Variants in PRKAR1B observed in about 807,000 individuals in gnomAD.
The protein encoded by PRKAR1B is cAMP-dependent protein kinase type I-beta regulatory subunit.
Under a neutral mutation model 46.5 loss-of-function variants are expected in PRKAR1B, and 22 were observed. That is an observed-to-expected ratio of 0.47 (90% confidence interval 0.34 to 0.68). The LOEUF (loss-of-function observed/expected upper bound fraction) is 0.68. PRKAR1B is among the 30% of genes least tolerant of loss of function. PRKAR1B has a pLI of 0.01. For synonymous variants in PRKAR1B, 259 were observed against 217.7 expected (o/e 1.19, Z -1.67); for missense variants, 445 against 535.6 (o/e 0.83, Z 1.67).
intron 4 of PRKAR1B, among the ~76,000 whole-genome samples, chr7:612,903 G>A (rs1246268015): frequency 6.6e-6 from 1 of 152,176 alleles, no homozygotes; most frequent in East Asian, 1.9e-4. Context: ...CAGCAACAGA[G>A]GCTTTATTAA....
chr7:610,661 C>A (rs71518321), intron 4 of PRKAR1B, among the ~76,000 whole-genome samples: 83,186 of 152,112 alleles, frequency 0.55, 24,058 homozygotes, highest in South Asian at 0.8. Context: ...CCATGTCCCC[C>A]CCGCACGGCT....
At chr7:566,540 C>A (rs797016948) in intron 9 of PRKAR1B, among the ~76,000 whole-genome samples, 1 of 48,856 alleles carries the variant, frequency 2.0e-5, no homozygotes, top group African/African-American at 7.1e-5. Context: ...ATGGCCACCA[C>A]CATCACCATC....
chr7:627,330 G>A (rs909440742), intron 4 of PRKAR1B, among the ~76,000 whole-genome samples: 6 of 152,166 alleles, frequency 3.9e-5, no homozygotes, highest in Admixed American at 1.3e-4. Flanking sequence ...GGAGGGTAGC[G>A]GTGGGGGCCG....
chr7:662,197 A>AG (rs1785621286), intron 4 of PRKAR1B, among the ~76,000 whole-genome samples: 1 of 35,160 alleles, frequency 2.8e-5, no homozygotes, highest in Non-Finnish European at 5.4e-5. Flanking sequence ...TCTCCCCCCC[A>AG]TGGCACAGGT....
chr7:568,942 G>T (rs770554719), intron 9 of PRKAR1B, among the ~76,000 whole-genome samples: 5 of 152,098 alleles, frequency 3.3e-5, no homozygotes, highest in Non-Finnish European at 5.9e-5. Context: ...GGGCCCGCGG[G>T]GGGTGGTTCG....
intron 4 of PRKAR1B, among the ~76,000 whole-genome samples, chr7:643,135 T>C (rs1290888725): frequency 6.6e-6 from 1 of 151,672 alleles, no homozygotes; most frequent in Non-Finnish European, 1.5e-5. Flanking sequence ...GACTCTGCCA[T>C]TGCAAAAGAG....
chr7:728,114 C>G (rs1315846652), upstream of PRKAR1B, among the ~76,000 whole-genome samples: 3 of 152,094 alleles, frequency 2.0e-5, no homozygotes, highest in Non-Finnish European at 2.9e-5. Flanking sequence ...TATAACGTTC[C>G]CCATCTTTTT....
At chr7:726,735 G>A (rs1457734920) in intron 1 of PRKAR1B, 11 of 1,243,860 alleles carry the variant, frequency 8.8e-6, no homozygotes, top group Non-Finnish European at 1.1e-5. Flanking sequence ...CGGCGCTGGG[G>A]GTGGCGGAGG....
intron 9 of PRKAR1B, 92 bp downstream of exon 9, chr7:579,164 G>C: frequency 2.5e-6 from 4 of 1,604,480 alleles, no homozygotes; most frequent in Non-Finnish European, 3.4e-6. Context: ...GACTCCAGAG[G>C]GAGGGTGAGG....
chr7:627,992 C>T (rs926462796), intron 4 of PRKAR1B, among the ~76,000 whole-genome samples: 7 of 151,740 alleles, frequency 4.6e-5, no homozygotes, highest in South Asian at 4.2e-4. Context: ...CTGTCACTCA[C>T]GGAACAAACA....
At chr7:573,776 C>T (rs964125579) in intron 9 of PRKAR1B, among the ~76,000 whole-genome samples, 13 of 152,192 alleles carry the variant, frequency 8.5e-5, no homozygotes, top group Admixed American at 7.8e-4. Flanking sequence ...AGACTGGGAT[C>T]GCGGAGTCGG....
rs1278318079 is a variant in PRKAR1B, at chr7:711,502, C to A, written c.4G>T (p.Ala2Ser). The A allele has an allele frequency of 6.2e-7, 1 of 1,612,976 alleles. No individual in the cohort carries two copies. Among genetic ancestry groups the A allele is most frequent in the South Asian group, 1.1e-5 (1 of 91,038 alleles). The change falls in exon 2 of 11, where the codon GCC becomes TCC. Residue 2 changes from alanine (A) to serine (S), a missense_variant. By Grantham distance (99) the Ala-to-Ser change is moderately conservative. Transcript: ENST00000537384. ...TCCGAGGGGCAGGCGGGCGGGGAGG[C>A]CATGGCGAGGGTGGCTGCTTCCTTC... is the stretch of plus-strand genomic sequence containing the variant. MASPPACPSEED... is the reference protein window; with the variant it reads MSSPPACPSEED...
rs992683667 is a variant in PRKAR1B, at chr7:673,045, TAAAAAAAAAAA to T, written c.440+4173_440+4183del. 1.1e-3 allele frequency among the ~76,000 whole-genome samples: 29 copies of T among 26,550 alleles called. No individual in the cohort carries two copies. The East Asian group carries it at 0.023, about 21-fold the overall frequency. 17.4% of individuals were successfully genotyped at this position (26,550 alleles called of 152,430 possible). A position where few individuals can be genotyped will look rare whatever the true frequency, so the allele number is the denominator to read the frequency against. On this transcript the variant is annotated intron_variant, in intron 4 of 10. Coordinates refer to ENST00000537384, the MANE Select transcript of PRKAR1B (RefSeq NM_001164760.2). ...GGGTGAGAGAGTAAGGCCTTGTCTT[TAAAAAAAAAAA>T]AAAAAAAAAAAAAAAAAAAAAACAC...
intron 1 of PRKAR1B, among the ~76,000 whole-genome samples, chr7:717,863 C>T (rs1780934205): frequency 6.6e-6 from 1 of 152,070 alleles, no homozygotes; most frequent in South Asian, 2.1e-4. Context: ...GGGTACCCTC[C>T]CCTTGAGTGT....
chr7:694,578 C>T (rs569446927), intron 2 of PRKAR1B, among the ~76,000 whole-genome samples: 2 of 151,966 alleles, frequency 1.3e-5, no homozygotes, highest in Non-Finnish European at 2.9e-5. Context: ...GTTTCAATGC[C>T]ACCTCCATAG....
At chr7:675,549 A>G (rs893464623) in intron 4 of PRKAR1B, among the ~76,000 whole-genome samples, 2 of 152,258 alleles carry the variant, frequency 1.3e-5, no homozygotes, top group Non-Finnish European at 2.9e-5. Context: ...AGAATTTTCA[A>G]TATGTTACAC....
chr7:599,288 T>G (rs1781456438), intron 6 of PRKAR1B, among the ~76,000 whole-genome samples: 2 of 150,986 alleles, frequency 1.3e-5, no homozygotes, highest in Non-Finnish European at 3.0e-5. Flanking sequence ...GTGTTTCATT[T>G]TTTTGTTTTC....
At chr7:722,165 A>G (rs2128535449) in intron 1 of PRKAR1B, among the ~76,000 whole-genome samples, 1 of 131,572 alleles carries the variant, frequency 7.6e-6, no homozygotes, top group South Asian at 2.4e-4. Context: ...CGGTGGCATG[A>G]TATTGGCTCA....
intron 9 of PRKAR1B, among the ~76,000 whole-genome samples, chr7:576,830 G>A (rs1336990646): frequency 3.3e-5 from 5 of 152,156 alleles, no homozygotes; most frequent in African/African-American, 1.2e-4. Context: ...TCAGGGAAGG[G>A]TAGTGAGGAT....
Sources: allele counts gnomAD v4.1 joint callset (sites outside exome capture counted in the v4.1 genomes callset), GRCh38; gene constraint gnomAD v4.1.1; transcripts MANE v1.5; gene names NCBI Gene and HGNC (gene_info 2026-07-23, HGNC 2026-07-21).